The following BNC2 variants were observed in gnomAD, a reference collection of about 807,000 sequenced individuals.
BNC2 encodes the protein zinc finger protein basonuclin-2.
A neutral mutation model predicts 76.3 loss-of-function variants in BNC2; 20 were observed. The observed-to-expected ratio is 0.26, with a 90% confidence interval of 0.18 to 0.38. The LOEUF (loss-of-function observed/expected upper bound fraction) is 0.38, where lower values mean the gene tolerates loss of function less well. Among genes scored for constraint, BNC2 ranks in the 10% least tolerant of loss-of-function variants. The pLI is 1.00. For synonymous variants in BNC2, 582 were observed against 514.8 expected, an observed-to-expected ratio of 1.13 and a Z score of -1.77; for missense variants, 1,382 against 1,399.8, an observed-to-expected ratio of 0.99 and a Z score of 0.20.
At chr9:16,535,009 G>A (rs922462227) in intron 5 of BNC2, among the ~76,000 whole-genome samples, 1 of 152,092 alleles carries the variant, frequency 6.6e-6, no homozygotes, top group African/African-American at 2.4e-5. Flanking sequence ...CTGTAGATCT[G>A]TAGATAATAA....
At chr9:16,496,234 AAAAACAAAAC>A (rs1051005637) in intron 5 of BNC2, among the ~76,000 whole-genome samples, 13 of 152,278 alleles carry the variant, frequency 8.5e-5, no homozygotes, top group Admixed American at 8.5e-4. Flanking sequence ...TTAAAAACAA[AAAAACAAAAC>A]AAAACAAAAC....
chr9:16,532,024 T>C (rs1305174183), intron 5 of BNC2, among the ~76,000 whole-genome samples: 1 of 150,336 alleles, frequency 6.7e-6, no homozygotes, highest in East Asian at 1.9e-4. Context: ...CATATTAAAT[T>C]TTTAAAGATT....
At chr9:16,719,465 C>G (rs1357367463) in intron 3 of BNC2, among the ~76,000 whole-genome samples, 1 of 152,180 alleles carries the variant, frequency 6.6e-6, no homozygotes, top group Non-Finnish European at 1.5e-5. Context: ...AACCTGTTAT[C>G]TTCCTTTTCA....
intron 6 of BNC2, chr9:16,435,107 G>A: frequency 2.1e-6 from 1 of 470,952 alleles, no homozygotes; most frequent in Non-Finnish European, 4.4e-6. Flanking sequence ...TTTCTATATT[G>A]GATAAATATG....
intron 1 of BNC2, among the ~76,000 whole-genome samples, chr9:16,835,371 G>A (rs1399682188): frequency 6.6e-6 from 1 of 152,118 alleles, no homozygotes. Context: ...TTATTTGATA[G>A]AGAAGGAAAC....
intron 1 of BNC2, among the ~76,000 whole-genome samples, chr9:16,864,691 G>A (rs934345627): frequency 1.3e-5 from 2 of 152,084 alleles, no homozygotes; most frequent in African/African-American, 4.8e-5. Flanking sequence ...ATGCACAGAA[G>A]AGCTGCACCC....
chr9:16,713,837 G>C (rs914530202), intron 3 of BNC2, among the ~76,000 whole-genome samples: 30 of 152,190 alleles, frequency 2.0e-4, no homozygotes, highest in African/African-American at 6.5e-4. Flanking sequence ...CACTTTGGGA[G>C]GCTGAGGTGG....
intron 5 of BNC2, among the ~76,000 whole-genome samples, chr9:16,471,195 A>T (rs1236613139): frequency 2.0e-5 from 3 of 151,792 alleles, no homozygotes; most frequent in African/African-American, 7.3e-5. Context: ...GAACCCTGTA[A>T]CCCCTCTGTT....
chr9:16,704,568 GA>G (rs34866692), intron 3 of BNC2, among the ~76,000 whole-genome samples: 4,385 of 135,838 alleles, frequency 0.032, 78 homozygotes, highest in Middle Eastern at 0.082. Flanking sequence ...TGCCAAAAAG[GA>G]AAAAAAAAAA....
Position 16,419,490 on chromosome 9 carries a change from T to C in BNC2, c.2799A>G (p.Glu933=), listed in dbSNP as rs746584749. The stretch of plus-strand genomic sequence containing the variant: ...CAGTCCCTGCGGGAGAGGAGGCGTC[T>C]TCCCTGACATCGAGCCCCATGGGGT... The part of the protein sequence containing the change: ...AQHPMGLDVR[E]DASSPAGTED... The change falls in exon 7 of 7, where the codon GAA becomes GAG. Residue 933 remains glutamate, a synonymous_variant. Transcript: ENST00000380672. 3 of 1,614,158 alleles carry C rather than the reference T, an allele frequency of 1.9e-6. No homozygotes were observed. The South Asian group carries it at 3.3e-5, about 18-fold the overall frequency.
intron 5 of BNC2, among the ~76,000 whole-genome samples, chr9:16,498,071 A>G (rs1186809569): frequency 6.8e-6 from 1 of 147,510 alleles, no homozygotes; most frequent in Admixed American, 6.9e-5. Flanking sequence ...ATATATATAT[A>G]TTCTATCATA....
At chr9:16,629,172 ATTG>A (rs1821088196) in intron 3 of BNC2, among the ~76,000 whole-genome samples, 1 of 152,176 alleles carries the variant, frequency 6.6e-6, no homozygotes. Context: ...GTTTACTTTT[ATTG>A]CCTAATTTAG....
chr9:16,630,048 C>T (rs1230140825), intron 3 of BNC2, among the ~76,000 whole-genome samples: 1 of 152,258 alleles, frequency 6.6e-6, no homozygotes, highest in African/African-American at 2.4e-5. Context: ...TTCTTTCAAA[C>T]TCTGCCACTG....
At chr9:16,448,653 G>C (rs1054224429) in intron 5 of BNC2, among the ~76,000 whole-genome samples, 1 of 152,156 alleles carries the variant, frequency 6.6e-6, no homozygotes, top group Non-Finnish European at 1.5e-5. Context: ...TGAGGATTGA[G>C]TATTCCATAA....
At chr9:16,608,214 A>T (rs1236783775) in intron 3 of BNC2, among the ~76,000 whole-genome samples, 2 of 152,128 alleles carry the variant, frequency 1.3e-5, no homozygotes, top group African/African-American at 4.8e-5. Context: ...TTTCCCTGAG[A>T]CCCCAATTCC....
At chr9:16,822,625 T>C (rs192817822) in intron 1 of BNC2, among the ~76,000 whole-genome samples, 59 of 152,296 alleles carry the variant, frequency 3.9e-4, no homozygotes, top group Admixed American at 2.6e-3. Flanking sequence ...ACTGGAACAT[T>C]TTAAAAACAC....
chr9:16,430,196 A>G (rs940806815), intron 6 of BNC2, among the ~76,000 whole-genome samples: 48 of 144,910 alleles, frequency 3.3e-4, no homozygotes, highest in Middle Eastern at 3.5e-3. Flanking sequence ...AGTAGCAGGG[A>G]AAAAAAAAAA....
intron 6 of BNC2, among the ~76,000 whole-genome samples, chr9:16,424,313 G>A (rs1192638960): frequency 6.6e-6 from 1 of 151,658 alleles, no homozygotes; most frequent in East Asian, 1.9e-4. Flanking sequence ...AAGTAAGACT[G>A]TGGCAGTCAG....
chr9:16,692,167 T>C (rs545549926), intron 3 of BNC2, among the ~76,000 whole-genome samples: 17 of 152,354 alleles, frequency 1.1e-4, no homozygotes, highest in African/African-American at 4.1e-4. Context: ...TGGTTTGCAA[T>C]CATTCTTGTA....
Sources: gnomAD v4.1 joint callset for allele counts (sites outside exome capture counted in the v4.1 genomes callset) on GRCh38, gnomAD v4.1.1 for gene constraint, MANE v1.5 for transcripts, NCBI Gene and HGNC (gene_info 2026-07-23, HGNC 2026-07-21) for gene names.